MS4A15: variants seen among roughly 807,000 people sequenced by gnomAD.
MS4A15 encodes the protein membrane spanning 4-domains A15, also known as membrane-spanning 4-domains subfamily A member 15.
MS4A15 carries 22 observed loss-of-function variants against 20.6 expected under a neutral mutation model. The ratio of observed to expected loss-of-function variants is 1.07; its 90% CI spans 0.76 to 1.52. The LOEUF (loss-of-function observed/expected upper bound fraction) is 1.52, where lower values mean the gene tolerates loss of function less well. Ranked by LOEUF, MS4A15 falls within the 40% of genes most tolerant of loss-of-function variation. MS4A15 has a pLI of 0.00. For synonymous variants in MS4A15, 129 were observed against 129.3 expected, an observed-to-expected ratio of 1.00 and a Z score of 0.02; for missense variants, 312 against 323.0, an observed-to-expected ratio of 0.97 and a Z score of 0.26.
chr11:60,763,583 T>G, intron 1 of MS4A15, 123 bp from the exon 2 acceptor site: 9 of 759,334 alleles, frequency 1.2e-5, no homozygotes, highest in Non-Finnish European at 1.9e-5. Context: ...CCAGCTTTGA[T>G]GAGAGCGTTT....
At chr11:60,763,660 T>A in intron 1 of MS4A15, 46 bp from the exon 2 acceptor site, 1 of 1,530,308 alleles carries the variant, frequency 6.5e-7, no homozygotes, top group Middle Eastern at 2.4e-4. Context: ...CTAAAAAGCT[T>A]TATGCACATG....
chr11:60,767,969 G>A (rs1055691315), intron 3 of MS4A15, among the ~76,000 whole-genome samples: 2 of 151,990 alleles, frequency 1.3e-5, no homozygotes, highest in African/African-American at 4.8e-5. Context: ...GAGGCAGGCA[G>A]ATCACTTGAG....
chr11:60,771,448 A>G (rs1359542790), intron 4 of MS4A15, 101 bp downstream of exon 4: 1 of 1,568,468 alleles, frequency 6.4e-7, no homozygotes, highest in East Asian at 2.3e-5. Context: ...CTCATTCCCC[A>G]GCACTTCAGG....
rs1160729263 is a variant in MS4A15, at chr11:60,767,518, C to A, written c.226-15C>A. On this transcript the variant is annotated splice_polypyrimidine_tract_variant and intron_variant, in intron 2 of 6. Transcript: ENST00000405633. ...GAACAGGGCCCGCGGCACTGAGCCTCGGGGCTTCCCGCAGACGGTGCAGAT... is the reference window on the plus strand; with the variant it reads ...GAACAGGGCCCGCGGCACTGAGCCTAGGGGCTTCCCGCAGACGGTGCAGAT... 2.7e-6 allele frequency: 4 copies of A among 1,508,866 alleles called. No individual in the cohort carries two copies. The Admixed American group carries it at 6.4e-5, about 24-fold the overall frequency. The allele number at this position is 1,508,866 out of a possible 1,614,324, so 93.5% of individuals were successfully genotyped here.
chr11:60,763,989 C>G, intron 2 of MS4A15, 31 bp downstream of exon 2: 1 of 1,577,948 alleles, frequency 6.3e-7, no homozygotes, highest in Non-Finnish European at 8.6e-7. Context: ...CAACCTGAGG[C>G]AGGTAGTGAG....
At chr11:60,765,919 T>C (rs1590978908) in intron 2 of MS4A15, among the ~76,000 whole-genome samples, 1 of 150,128 alleles carries the variant, frequency 6.7e-6, no homozygotes, top group Non-Finnish European at 1.5e-5. Flanking sequence ...AACAAACTGC[T>C]GAAAAGCACA....
intron 6 of MS4A15, 53 bp from the exon 7 acceptor site, chr11:60,775,552 C>A: frequency 6.8e-7 from 1 of 1,475,960 alleles, no homozygotes; most frequent in Non-Finnish European, 9.4e-7. Context: ...TATTGAACCA[C>A]TACCCTGAAG....
At chr11:60,769,383 T>A (rs1427997679) in intron 3 of MS4A15, among the ~76,000 whole-genome samples, 2 of 152,136 alleles carry the variant, frequency 1.3e-5, no homozygotes, top group Non-Finnish European at 2.9e-5. Flanking sequence ...TAGTTGAACA[T>A]TCCCAGAATT....
chr11:60,765,138 C>T (rs948229548), intron 2 of MS4A15, among the ~76,000 whole-genome samples: 9 of 152,100 alleles, frequency 5.9e-5, no homozygotes, highest in African/African-American at 2.2e-4. Flanking sequence ...TGTCATGAGG[C>T]ATTTGCCTTA....
chr11:60,767,716 C>A lies in MS4A15; in HGVS notation c.348+61C>A, dbSNP rs907958042. 27 of 1,458,870 alleles carry A rather than the reference C, an allele frequency of 1.9e-5. No individual in the cohort carries two copies. In the African/African-American group the frequency reaches 3.6e-4, roughly 19 times the overall value. 90.4% of individuals were successfully genotyped at this position (1,458,870 alleles called of 1,614,324 possible). A position where few individuals can be genotyped will look rare whatever the true frequency, so the allele number is the denominator to read the frequency against. ...GATGCTGCCCAGGCTCACCTCTCCC[C>A]CACGCGCCCACCCCCACCATCCTCC... On this transcript the variant is annotated intron_variant, in intron 3 of 6. Transcript: ENST00000405633.
At chr11:60,764,110 T>TC (rs1853822244) in intron 2 of MS4A15, among the ~76,000 whole-genome samples, 152 bp downstream of exon 2, 1 of 152,170 alleles carries the variant, frequency 6.6e-6, no homozygotes. Context: ...CAAGCACCCT[T>TC]CCCGCATAAA....
At position 60,775,536 on chromosome 11, in the gene MS4A15, G is replaced by GGGCAC. The variant is rs1854169495; in HGVS notation, c.613-68_613-64dup. Reference sequence around the variant, plus strand: ...CGCTGTTCTCAGATTACCCACAAGGGGGCACTATTGAACCACTACCCTGAA... The same window carrying GGGCAC: ...CGCTGTTCTCAGATTACCCACAAGGGGGCACGGCACTATTGAACCACTACCCTGAA... On this transcript the variant is annotated intron_variant, in intron 6 of 6. Coordinates refer to ENST00000405633, the MANE Select transcript of MS4A15 (RefSeq NM_001098835.2). 4 of 1,257,064 alleles carry GGGCAC rather than the reference G, an allele frequency of 3.2e-6. No homozygotes were observed. The East Asian group carries it at 9.3e-5, about 29-fold the overall frequency. 77.9% of individuals were successfully genotyped at this position (1,257,064 alleles called of 1,614,324 possible). A position where few individuals can be genotyped will look rare whatever the true frequency, so the allele number is the denominator to read the frequency against.
intron 1 of MS4A15, among the ~76,000 whole-genome samples, chr11:60,762,350 C>T (rs185456370): frequency 7.9e-4 from 121 of 152,304 alleles, no homozygotes; most frequent in African/African-American, 2.5e-3. Flanking sequence ...CTATCTATGT[C>T]ACACCTCTGC....
chr11:60,759,717 T>C (rs1853686411), intron 1 of MS4A15, among the ~76,000 whole-genome samples: 1 of 152,212 alleles, frequency 6.6e-6, no homozygotes. Context: ...GCAGCAATAC[T>C]GCTCTGTTAC....
intron 3 of MS4A15, among the ~76,000 whole-genome samples, 199 bp downstream of exon 3, chr11:60,767,854 CT>C (rs1166471421): frequency 2.0e-5 from 3 of 152,294 alleles, no homozygotes; most frequent in Admixed American, 6.5e-5. Flanking sequence ...GACCCCACCC[CT>C]GAGGATCAAA....
chr11:60,758,964 C>T (rs933203685), intron 1 of MS4A15, among the ~76,000 whole-genome samples: 1 of 152,248 alleles, frequency 6.6e-6, no homozygotes, highest in Admixed American at 6.5e-5. Flanking sequence ...AACTTTTCCT[C>T]ACCAAGACAT....
At chr11:60,767,398 A>G (rs1853908359) in intron 2 of MS4A15, 135 bp from the exon 3 acceptor site, 1 of 1,143,488 alleles carries the variant, frequency 8.7e-7, no homozygotes, top group Non-Finnish European at 1.2e-6. Flanking sequence ...TATCGCCTCT[A>G]AAGAACAGAA....
Position 60,773,883 on chromosome 11 carries a change from T to C in MS4A15, c.545T>C (p.Leu182Pro). 6.2e-7 allele frequency: 1 copy of C among 1,614,196 alleles called. No individual in the cohort carries two copies. The highest frequency in any genetic ancestry group is 8.5e-7 in the Non-Finnish European group (1 of 1,180,014). Residue 182 changes from leucine (L) to proline (P), a missense_variant, in exon 6 of 7, where the codon CTG becomes CCG. Physicochemically the swap from Leu to Pro is moderately conservative, Grantham distance 98. Transcript: ENST00000405633. ...YLAVLTIFTV[L>P]EFFTAVIAMH... is the part of the protein sequence containing the mutation. ...GCCGTGCTTACTATCTTCACTGTCCTGGAGTTCTTCACAGCGGTCATTGCC... is the reference window on the plus strand; with the variant it reads ...GCCGTGCTTACTATCTTCACTGTCCCGGAGTTCTTCACAGCGGTCATTGCC...
chr11:60,767,568 C>T lies in MS4A15; in HGVS notation c.261C>T (p.Gly87=), dbSNP rs1178428596. Residue 87 remains glycine, a synonymous_variant, in exon 3 of 7, where the codon GGC becomes GGT. Transcript: ENST00000405633. The part of the protein sequence containing the change: ...VQILIGLIHL[G]FGSVLLMVRR... The stretch of plus-strand genomic sequence containing the variant: ...TCCTCATCGGCCTCATCCACCTAGG[C>T]TTTGGCAGCGTGCTGCTCATGGTTC... 1.5e-5 allele frequency: 24 copies of T among 1,553,072 alleles called. No individual in the cohort carries two copies. The highest frequency in any genetic ancestry group is 2.0e-5 in the Admixed American group (1 of 50,792).
Sources: gnomAD v4.1 joint callset for allele counts (sites outside exome capture counted in the v4.1 genomes callset) on GRCh38, gnomAD v4.1.1 for gene constraint, MANE v1.5 for transcripts, NCBI Gene and HGNC (gene_info 2026-07-23, HGNC 2026-07-21) for gene names.